The following RGPD3 variants were observed in gnomAD, a reference collection of about 807,000 sequenced individuals.
RGPD3 encodes ranBP2-like and GRIP domain-containing protein 3.
RGPD3 carries 62 observed loss-of-function variants against 154.5 expected under a neutral mutation model. That is an observed-to-expected ratio of 0.40 (90% CI 0.33 to 0.50). The LOEUF is 0.50. Among genes scored for constraint, RGPD3 ranks in the 20% least tolerant of loss-of-function variants. RGPD3 has a pLI of 0.59. For synonymous variants in RGPD3, 308 were observed against 607.0 expected (o/e 0.51, Z 7.24); for missense variants, 919 against 1,716.8 (o/e 0.54, Z 8.21).
chr2:106,424,129 T>C lies in RGPD3; in HGVS notation c.3838A>G (p.Lys1280Glu). 6.3e-7 allele frequency: 1 copy of C among 1,596,416 alleles called. No individual in the cohort carries two copies. Among genetic ancestry groups the C allele is most frequent in the Non-Finnish European group, 8.6e-7 (1 of 1,169,398 alleles). Residue 1280 changes from lysine (K) to glutamate (E), a missense_variant, in exon 20 of 23, where the codon AAA becomes GAA. By Grantham distance (56) the Lys-to-Glu change is moderately conservative. Coordinates refer to ENST00000409886, the MANE Select transcript of RGPD3 (RefSeq NM_001144013.2). The stretch of plus-strand genomic sequence containing the variant: ...GACTCATCAAAGTGGAAAAGATTTT[T>C]TCTCACAGGGCTACTTGCCAATGGA... ...ASPLASSPVR[K>E]NLFHFDESTT...
intron 21 of RGPD3, 142 bp from the exon 22 acceptor site, chr2:106,413,427 C>T: frequency 1.9e-6 from 2 of 1,045,258 alleles, no homozygotes; most frequent in Non-Finnish European, 1.4e-6. Flanking sequence ...ATTCAGTTAA[C>T]TACAGCAGCT....
In RGPD3 at chr2:106,466,343, G is replaced by A. The variant is rs1161359875; in HGVS notation, c.72+1874C>T. On this transcript the variant is annotated intron_variant, in intron 1 of 22. Coordinates refer to ENST00000409886, the MANE Select transcript of RGPD3 (RefSeq NM_001144013.2). Reference sequence around the variant, plus strand: ...AGCAGCGCCCGTCAGGAGCCATGACGCCTGAGCCATCGAGGCCGCCGCCGG... The same window carrying A: ...AGCAGCGCCCGTCAGGAGCCATGACACCTGAGCCATCGAGGCCGCCGCCGG... 9.3e-5 allele frequency among the ~76,000 whole-genome samples: 14 copies of A among 150,560 alleles called. 1 individual carries two copies. Among genetic ancestry groups the A allele is most frequent in the Admixed American group, 8.6e-4 (13 of 15,160 alleles).
At chr2:106,451,489 G>C (rs887548617) in intron 6 of RGPD3, among the ~76,000 whole-genome samples, 7 of 150,134 alleles carry the variant, frequency 4.7e-5, no homozygotes, top group African/African-American at 1.7e-4. Flanking sequence ...TACAATCTCT[G>C]CTGCAACCAC....
chr2:106,459,824 A>ACATCAT (rs1275560684), intron 1 of RGPD3, among the ~76,000 whole-genome samples: 1 of 132,610 alleles, frequency 7.5e-6, no homozygotes, highest in Non-Finnish European at 1.6e-5. Flanking sequence ...CATCTCCCAA[A>ACATCAT]CATCATCATC....
At chr2:106,469,918 A>G (rs183760855), upstream of RGPD3, among the ~76,000 whole-genome samples, 23 of 151,632 alleles carry the variant, frequency 1.5e-4, no homozygotes, top group African/African-American at 4.1e-4. Flanking sequence ...AAAATCCTGT[A>G]ATGCCCTGTC....
intron 1 of RGPD3, among the ~76,000 whole-genome samples, chr2:106,466,219 C>T (rs1002795821): frequency 9.2e-5 from 14 of 152,188 alleles, no homozygotes; most frequent in African/African-American, 3.4e-4. Flanking sequence ...CGGTCTCCCG[C>T]CCGCAGCGGT....
At position 106,403,650 on chromosome 2, in the gene RGPD3, C is replaced by G. The variant is rs1174526708; in HGVS notation, c.*1569G>C. ...AGTTACATCGTATGCAGCTGGCATA[C>G]TCATATTCACAGTTTATAAAGTAAA... On this transcript the variant is annotated 3_prime_UTR_variant, in exon 23 of 23. Coordinates refer to ENST00000409886, the MANE Select transcript of RGPD3 (RefSeq NM_001144013.2). Among the ~76,000 whole-genome samples the G allele has an allele frequency of 5.3e-5, 8 of 152,294 alleles. No individual in the cohort carries two copies. The highest frequency in any genetic ancestry group is 1.9e-4 in the African/African-American group (8 of 41,484).
At chr2:106,415,500 C>A (rs1376884837) in intron 21 of RGPD3, among the ~76,000 whole-genome samples, 2 of 151,850 alleles carry the variant, frequency 1.3e-5, no homozygotes, top group East Asian at 1.9e-4. Flanking sequence ...ACATGGTAAA[C>A]CCTGTCTCTA....
Position 106,425,230 on chromosome 2 carries a change from C to G in RGPD3, c.2737G>C (p.Gly913Arg), listed in dbSNP as rs1423052330. Residue 913 changes from glycine to arginine, a missense_variant, in exon 20 of 23, where the codon GGA (glycine) becomes CGA (arginine). Coordinates refer to ENST00000409886, the MANE Select transcript of RGPD3 (RefSeq NM_001144013.2). ...TCAGCAGACACAGGGATGGAAAATCCTTCTTTGGTTGACTTAAATTCTGTA... is the reference window on the plus strand; with the variant it reads ...TCAGCAGACACAGGGATGGAAAATCGTTCTTTGGTTGACTTAAATTCTGTA... ...SNTEFKSTKE[G>R]FSIPVSADGF... 2 of 1,611,522 alleles carry G rather than the reference C, an allele frequency of 1.2e-6. No individual in the cohort carries two copies. Among genetic ancestry groups the G allele is most frequent in the Non-Finnish European group, 1.7e-6 (2 of 1,179,656 alleles).
intron 6 of RGPD3, among the ~76,000 whole-genome samples, chr2:106,451,104 A>AAAAGAAAG (rs1161760822): frequency 1.1e-3 from 163 of 146,324 alleles, no homozygotes; most frequent in Non-Finnish European, 1.6e-3. Flanking sequence ...AAAAAAACAA[A>AAAAGAAAG]AAAGAAAGAA....
intron 7 of RGPD3, among the ~76,000 whole-genome samples, 154 bp from the exon 8 acceptor site, chr2:106,441,534 C>T (rs891212366): frequency 4.6e-5 from 7 of 151,412 alleles, no homozygotes; most frequent in Admixed American, 2.0e-4. Flanking sequence ...AACTGGGAAC[C>T]AAGGAATTTG....
chr2:106,466,938 CG>C (rs1359246914), intron 1 of RGPD3, among the ~76,000 whole-genome samples: 337 of 114,284 alleles, frequency 2.9e-3, no homozygotes, highest in Non-Finnish European at 4.6e-3. Flanking sequence ...CAGCGCCCGT[CG>C]GGAGCCATGA....
At chr2:106,460,561 C>T (rs1195008630) in intron 1 of RGPD3, among the ~76,000 whole-genome samples, 4 of 81,622 alleles carry the variant, frequency 4.9e-5, no homozygotes, top group Non-Finnish European at 9.5e-5. Context: ...TGCTGATGCA[C>T]ACCAGGCTGG....
chr2:106,445,364 T>G lies in RGPD3; in HGVS notation c.978+2054A>C, dbSNP rs1189488584. The stretch of plus-strand genomic sequence containing the variant: ...ATTTCTATAAGAACCTTTTAATGTT[T>G]GTATTACCTAGTGAACCTCACTAAA... On this transcript the variant is annotated intron_variant, in intron 7 of 22. Coordinates refer to ENST00000409886, the MANE Select transcript of RGPD3 (RefSeq NM_001144013.2). Among the ~76,000 whole-genome samples the G allele has an allele frequency of 7.3e-5, 11 of 150,750 alleles. No individual in the cohort carries two copies. In the East Asian group the frequency reaches 8.0e-4, roughly 11 times the overall value.
intron 1 of RGPD3, among the ~76,000 whole-genome samples, chr2:106,467,075 T>A: frequency 8.6e-6 from 1 of 116,040 alleles, no homozygotes. Context: ...CCATGACGCC[T>A]GAGCCATCGA....
chr2:106,407,237 G>A (rs1385743960), intron 22 of RGPD3, among the ~76,000 whole-genome samples: 1 of 151,434 alleles, frequency 6.6e-6, no homozygotes, highest in African/African-American at 2.4e-5. Context: ...AGAGAAGACA[G>A]AGAGAGTCCG....
In RGPD3 at chr2:106,457,107, T is replaced by C. The variant is rs1227883425; in HGVS notation, c.269A>G (p.Asn90Ser). ...CAACACAAGATCTTTTTGTGTTGGGTTTAATTCCACTGAACGCTAATATCA... is the reference window on the plus strand; with the variant it reads ...CAACACAAGATCTTTTTGTGTTGGGCTTAATTCCACTGAACGCTAATATCA... ...VECYRRSVELNPTQKDLVLKI... is the reference protein window; with the variant it reads ...VECYRRSVELSPTQKDLVLKI... The change falls in exon 4 of 23, where the codon AAC becomes AGC. Residue 90 changes from asparagine to serine, a missense_variant. Coordinates refer to ENST00000409886, the MANE Select transcript of RGPD3 (RefSeq NM_001144013.2). The C allele has an allele frequency of 6.2e-7, 1 of 1,611,046 alleles. No homozygotes were observed. Among genetic ancestry groups the C allele is most frequent in the Non-Finnish European group, 8.5e-7 (1 of 1,179,514 alleles).
In RGPD3 at chr2:106,468,276, T is replaced by A. The variant is rs756866049; in HGVS notation, c.13A>T (p.Lys5Ter). Residue 5 changes from lysine (K) to a stop codon, truncating the protein, a stop_gained, in exon 1 of 23, where the codon AAG becomes TAG. Coordinates refer to ENST00000409886, the MANE Select transcript of RGPD3 (RefSeq NM_001144013.2). LOFTEE classifies it high-confidence loss of function. Reference sequence around the variant, plus strand: ...GCGACGTACCGCTCCCCGTAGGCCTTGCTGCAACTCATCGCGCCACCAACC... The same window carrying A: ...GCGACGTACCGCTCCCCGTAGGCCTAGCTGCAACTCATCGCGCCACCAACC... MSCS[K>*]AYGERYVASV... 3.7e-6 allele frequency: 6 copies of A among 1,607,280 alleles called. No homozygotes were observed. The highest frequency in any genetic ancestry group is 2.2e-5 in the East Asian group (1 of 44,704).
At chr2:106,415,397 G>C (rs1198593780) in intron 21 of RGPD3, among the ~76,000 whole-genome samples, 2 of 152,088 alleles carry the variant, frequency 1.3e-5, no homozygotes, top group Non-Finnish European at 2.9e-5. Flanking sequence ...AAGTATTTTG[G>C]CTGGATGCGG....
Sources: allele counts gnomAD v4.1 joint callset (sites outside exome capture counted in the v4.1 genomes callset), GRCh38; gene constraint gnomAD v4.1.1; transcripts MANE v1.5; gene names NCBI Gene and HGNC (gene_info 2026-07-23, HGNC 2026-07-21).